The following FTO variants were observed in gnomAD, a reference collection of about 807,000 sequenced individuals.
FTO encodes alpha-ketoglutarate-dependent dioxygenase FTO.
A neutral mutation model predicts 63.9 loss-of-function variants in FTO; 47 were observed. The observed-to-expected ratio is 0.74, with a 90% confidence interval of 0.58 to 0.94. The LOEUF (loss-of-function observed/expected upper bound fraction) is 0.94. Among genes scored for constraint, FTO ranks in the 40% least tolerant of loss-of-function variants. The probability of loss-of-function intolerance (pLI) is 0.00; values close to 1 mark genes in which losing one functional copy is unlikely to be tolerated. For missense variants in FTO, 562 were observed against 618.1 expected, an observed-to-expected ratio of 0.91 and a Z score of 0.96; for synonymous variants, 207 against 224.4, an observed-to-expected ratio of 0.92 and a Z score of 0.69.
At chr16:53,978,220 A>G (rs1390563499) in intron 8 of FTO, among the ~76,000 whole-genome samples, 1 of 152,138 alleles carries the variant, frequency 6.6e-6, no homozygotes, top group Non-Finnish European at 1.5e-5. Context: ...CCTTCTTAAC[A>G]TGGCACACCA....
In FTO at chr16:54,007,667, TAAAA is replaced by T. The variant is rs1405516315; in HGVS notation, c.1364+73559_1364+73562del. Among the ~76,000 whole-genome samples, 4 of 152,236 alleles carry T rather than the reference TAAAA, an allele frequency of 2.6e-5. No individual in the cohort carries two copies. In the South Asian group the frequency reaches 6.2e-4, roughly 24 times the overall value. ...AGACATGGCCCCAGTGGCGTGGAGA[TAAAA>T]GAAAGTGGTAGGGACAGTGGCAGAC... On this transcript the variant is annotated intron_variant, in intron 8 of 8. Coordinates refer to ENST00000471389, the MANE Select transcript of FTO (RefSeq NM_001080432.3).
At chr16:53,953,154 A>G (rs565157068) in intron 8 of FTO, among the ~76,000 whole-genome samples, 4 of 152,334 alleles carry the variant, frequency 2.6e-5, no homozygotes, top group African/African-American at 7.2e-5. Flanking sequence ...TACTTTTGTC[A>G]TTTCGACTTG....
chr16:53,820,449 T>C (rs1233581296), intron 2 of FTO, among the ~76,000 whole-genome samples: 1 of 152,008 alleles, frequency 6.6e-6, no homozygotes, highest in Non-Finnish European at 1.5e-5. Flanking sequence ...AGAGGGCACC[T>C]ATTTGAGGGT....
At chr16:53,719,442 C>T (rs2075982537) in intron 1 of FTO, among the ~76,000 whole-genome samples, 1 of 151,834 alleles carries the variant, frequency 6.6e-6, no homozygotes, top group East Asian at 1.9e-4. Context: ...GTCATTATAT[C>T]TTAGAATGGG....
chr16:53,956,167 G>C (rs2082926167), intron 8 of FTO, among the ~76,000 whole-genome samples: 1 of 152,152 alleles, frequency 6.6e-6, no homozygotes, highest in African/African-American at 2.4e-5. Context: ...CAAAACTTCA[G>C]CTCAAACCAT....
intron 8 of FTO, among the ~76,000 whole-genome samples, chr16:53,948,900 C>A (rs532831202): frequency 6.6e-6 from 1 of 152,320 alleles, no homozygotes; most frequent in African/African-American, 2.4e-5. Context: ...TGTATTGCCT[C>A]TGTGACCTTG....
chr16:53,966,502 A>G (rs1231144228), intron 8 of FTO, among the ~76,000 whole-genome samples: 1 of 152,216 alleles, frequency 6.6e-6, no homozygotes, highest in Non-Finnish European at 1.5e-5. Flanking sequence ...TGTGGGCCAC[A>G]TTTGAAACCA....
At chr16:53,854,841 G>A (rs1052845092) in intron 4 of FTO, among the ~76,000 whole-genome samples, 3 of 152,096 alleles carry the variant, frequency 2.0e-5, no homozygotes, top group Admixed American at 1.3e-4. Flanking sequence ...ATTTTGATAG[G>A]AATTGCATCA....
chr16:53,941,055 A>G (rs1175157571), intron 8 of FTO, among the ~76,000 whole-genome samples: 1 of 152,228 alleles, frequency 6.6e-6, no homozygotes, highest in Non-Finnish European at 1.5e-5. Context: ...AACACTTTGT[A>G]TAAGTTACTT....
At chr16:53,940,416 G>A (rs76841628) in intron 8 of FTO, among the ~76,000 whole-genome samples, 3,101 of 152,268 alleles carry the variant, frequency 0.02, 97 homozygotes, top group African/African-American at 0.071. Flanking sequence ...TTAAATTGCA[G>A]CAGTGCACGT....
chr16:53,801,430 T>C (rs916366465), intron 1 of FTO, among the ~76,000 whole-genome samples: 2 of 152,162 alleles, frequency 1.3e-5, no homozygotes, highest in Admixed American at 1.3e-4. Context: ...TCCCAGAATG[T>C]ACTACTCTTG....
At chr16:53,804,883 G>T (rs1332621083) in intron 1 of FTO, among the ~76,000 whole-genome samples, 4 of 151,974 alleles carry the variant, frequency 2.6e-5, no homozygotes, top group Non-Finnish European at 4.4e-5. Flanking sequence ...CCATAGTGCT[G>T]GGCTTACAGG....
chr16:54,018,381 A>AGAC (rs1567519838), intron 8 of FTO, among the ~76,000 whole-genome samples: 1 of 38,032 alleles, frequency 2.6e-5, no homozygotes, highest in African/African-American at 3.5e-4. Context: ...TTAGATAGAT[A>AGAC]GATGATAGAT....
intron 7 of FTO, among the ~76,000 whole-genome samples, chr16:53,901,495 T>C (rs35420030): frequency 0.043 from 6,506 of 152,300 alleles, 217 homozygotes; most frequent in Non-Finnish European, 0.054. Context: ...TTGATTTGGT[T>C]CAAGAGAGTG....
chr16:53,810,147 G>A lies in FTO; in HGVS notation c.53G>A (p.Arg18Lys). ...EEREREAKKL[R>K]LLEELEDTWL... ...ATTATTATTTTCAAACAGAAACTGAGGCTTCTTGAAGAGCTTGAAGACACT... is the reference window on the plus strand; with the variant it reads ...ATTATTATTTTCAAACAGAAACTGAAGCTTCTTGAAGAGCTTGAAGACACT... The change falls in exon 2 of 9, where the codon AGG becomes AAG. Residue 18 changes from arginine to lysine, a missense_variant. Coordinates refer to ENST00000471389, the MANE Select transcript of FTO (RefSeq NM_001080432.3). 6.2e-7 allele frequency: 1 copy of A among 1,606,852 alleles called. No individual in the cohort carries two copies. The highest frequency in any genetic ancestry group is 8.5e-7 in the Non-Finnish European group (1 of 1,174,110).
intron 1 of FTO, among the ~76,000 whole-genome samples, chr16:53,806,440 C>T (rs994781780): frequency 1.3e-5 from 2 of 152,172 alleles, no homozygotes; most frequent in Admixed American, 1.3e-4. Context: ...AATAGTCTGT[C>T]ATTTATCCTT....
intron 1 of FTO, among the ~76,000 whole-genome samples, chr16:53,766,885 C>T (rs2077218705): frequency 6.6e-6 from 1 of 152,254 alleles, no homozygotes; most frequent in Non-Finnish European, 1.5e-5. Flanking sequence ...GCCCAACAAA[C>T]GCGTTCCTTC....
At chr16:54,035,349 G>T (rs1336009165) in intron 8 of FTO, among the ~76,000 whole-genome samples, 1 of 152,184 alleles carries the variant, frequency 6.6e-6, no homozygotes, top group African/African-American at 2.4e-5. Context: ...CCTCAGTTTG[G>T]TTGAGGGCAA....
intron 8 of FTO, among the ~76,000 whole-genome samples, chr16:54,081,272 C>G (rs766865144): frequency 1.3e-5 from 2 of 152,162 alleles, no homozygotes; most frequent in African/African-American, 4.8e-5. Context: ...AGCCCTACCC[C>G]CTTTCCAAAG....
Sources: allele counts gnomAD v4.1 joint callset (sites outside exome capture counted in the v4.1 genomes callset), GRCh38; gene constraint gnomAD v4.1.1; transcripts MANE v1.5; gene names NCBI Gene and HGNC (gene_info 2026-07-23, HGNC 2026-07-21).